Variants in PTPRG observed in about 807,000 individuals in gnomAD.
The protein encoded by PTPRG is receptor-type tyrosine-protein phosphatase gamma.
PTPRG carries 102 observed loss-of-function variants against 165.3 expected under a neutral mutation model. That is an observed-to-expected ratio of 0.62 (90% confidence interval 0.53 to 0.73). The LOEUF is 0.73. Among genes scored for constraint, PTPRG ranks in the 30% least tolerant of loss-of-function variants. The pLI, the probability that PTPRG is intolerant of heterozygous loss-of-function variation, is 0.00. For synonymous variants in PTPRG, 675 were observed against 669.5 expected (o/e 1.01, Z -0.13); for missense variants, 1,866 against 1,861.4 (o/e 1.00, Z -0.05).
At chr3:61,871,158 G>GTTA (rs2037565094) in intron 2 of PTPRG, among the ~76,000 whole-genome samples, 2 of 127,570 alleles carry the variant, frequency 1.6e-5, no homozygotes, top group South Asian at 2.7e-4. Context: ...GTGTTGTGTT[G>GTTA]TGTTGTGTTA....
intron 1 of PTPRG, among the ~76,000 whole-genome samples, chr3:61,701,370 G>C (rs1334288957): frequency 6.6e-6 from 1 of 152,236 alleles, no homozygotes; most frequent in Non-Finnish European, 1.5e-5. Flanking sequence ...GGCTAGTGCT[G>C]TTTAATTTTC....
chr3:61,660,951 C>T lies in PTPRG; in HGVS notation c.86-87927C>T, dbSNP rs939424751. Among the ~76,000 whole-genome samples, 10 of 152,218 alleles carry T rather than the reference C, an allele frequency of 6.6e-5. 1 individual carries two copies. The South Asian group carries it at 1.2e-3, about 19-fold the overall frequency. On this transcript the variant is annotated intron_variant, in intron 1 of 29. Coordinates refer to ENST00000474889, the MANE Select transcript of PTPRG (RefSeq NM_002841.4). ...TGGGAGGCGGAGGTTGCAGTGAGCC[C>T]GGATTGTGCCACTTGCACTCCAGCC... is the stretch of plus-strand genomic sequence containing the variant.
chr3:61,727,355 A>T (rs922003413), intron 1 of PTPRG, among the ~76,000 whole-genome samples: 2 of 151,798 alleles, frequency 1.3e-5, no homozygotes, highest in African/African-American at 2.4e-5. Flanking sequence ...AGGGTTTTGG[A>T]CGGTTGGCCA....
Position 62,240,013 on chromosome 3 carries a change from G to A in PTPRG, c.2376-3794G>A, listed in dbSNP as rs551689545. 6.6e-6 allele frequency among the ~76,000 whole-genome samples: 1 copy of A among 152,226 alleles called. No homozygotes were observed. The highest frequency in any genetic ancestry group is 3.4e-3 in the Middle Eastern group (1 of 294). The stretch of plus-strand genomic sequence containing the variant: ...GACAATAGACTGACCACCTTCATCA[G>A]TCCCTGGCCCAGAGTAGACCCCCCA... On this transcript the variant is annotated intron_variant, in intron 14 of 29. Coordinates refer to ENST00000474889, the MANE Select transcript of PTPRG (RefSeq NM_002841.4). The surrounding 1 kb of genome is among the most constrained non-coding windows in gnomAD (Gnocchi z 5.1).
intron 1 of PTPRG, among the ~76,000 whole-genome samples, chr3:61,585,237 C>T (rs556875582): frequency 1.4e-5 from 2 of 145,854 alleles, no homozygotes; most frequent in South Asian, 2.2e-4. Flanking sequence ...GCCAAGATTG[C>T]GCCACTGCAC....
At chr3:62,113,004 T>C (rs6784506) in intron 5 of PTPRG, among the ~76,000 whole-genome samples, 17,012 of 152,190 alleles carry the variant, frequency 0.11, 999 homozygotes, top group Middle Eastern at 0.13. Flanking sequence ...GAGAATCATA[T>C]GTATCACAAT....
chr3:62,194,466 C>T (rs536369944), intron 9 of PTPRG, among the ~76,000 whole-genome samples: 1 of 152,282 alleles, frequency 6.6e-6, no homozygotes, highest in Non-Finnish European at 1.5e-5. Context: ...GGTGTTCTTC[C>T]TTGCATCATG....
chr3:62,122,529 T>C (rs2106895323), intron 5 of PTPRG, among the ~76,000 whole-genome samples: 1 of 152,334 alleles, frequency 6.6e-6, no homozygotes, highest in Admixed American at 6.5e-5. Context: ...TTAATTGCTG[T>C]GGATATGAAA....
chr3:61,729,509 T>C (rs998163208), intron 1 of PTPRG, among the ~76,000 whole-genome samples: 13 of 152,234 alleles, frequency 8.5e-5, no homozygotes, highest in African/African-American at 3.1e-4. Context: ...CTTGTGACCA[T>C]AGCAATCATT....
chr3:61,578,116 T>A (rs1700206473), intron 1 of PTPRG, among the ~76,000 whole-genome samples: 1 of 152,224 alleles, frequency 6.6e-6, no homozygotes. Flanking sequence ...GTTCCTGGCA[T>A]TGATTTCTCC....
intron 13 of PTPRG, among the ~76,000 whole-genome samples, chr3:62,221,010 C>G (rs1700638787): frequency 6.6e-6 from 1 of 152,190 alleles, no homozygotes; most frequent in South Asian, 2.1e-4. Context: ...AAACAGGCAT[C>G]AATACCCAGC....
At chr3:61,992,797 C>T (rs753899896) in intron 3 of PTPRG, among the ~76,000 whole-genome samples, 21 of 151,986 alleles carry the variant, frequency 1.4e-4, no homozygotes, top group Non-Finnish European at 2.8e-4. Flanking sequence ...GCTGGGATTA[C>T]AGGCGTGAGC....
intron 1 of PTPRG, among the ~76,000 whole-genome samples, chr3:61,705,074 G>T (rs1275707859): frequency 6.6e-6 from 1 of 152,170 alleles, no homozygotes; most frequent in Non-Finnish European, 1.5e-5. Context: ...GAGCTTAGCT[G>T]CCTGGGATAA....
chr3:62,238,017 A>T (rs574567185), intron 14 of PTPRG, among the ~76,000 whole-genome samples: 3 of 152,358 alleles, frequency 2.0e-5, no homozygotes, highest in Non-Finnish European at 4.4e-5. Context: ...AAATGTGCAT[A>T]TATCTAATAT....
intron 1 of PTPRG, among the ~76,000 whole-genome samples, chr3:61,722,570 T>G (rs771826840): frequency 6.6e-6 from 1 of 152,200 alleles, no homozygotes; most frequent in African/African-American, 2.4e-5. Flanking sequence ...TTTGGAACTC[T>G]GTTTATGCAT....
At chr3:62,285,524 T>TGGGG (rs67228745) in intron 28 of PTPRG, among the ~76,000 whole-genome samples, 1 of 39,286 alleles carries the variant, frequency 2.5e-5, no homozygotes, top group African/African-American at 9.0e-5. Context: ...AGGTGGTTGT[T>TGGGG]GGGGGGGGGG....
intron 14 of PTPRG, among the ~76,000 whole-genome samples, chr3:62,243,219 A>G (rs1701205153): frequency 6.6e-6 from 1 of 151,896 alleles, no homozygotes; most frequent in Admixed American, 6.6e-5. Context: ...AAACAAGCAG[A>G]TGACACGTAA....
chr3:61,720,006 C>G (rs2031980988), intron 1 of PTPRG, among the ~76,000 whole-genome samples: 1 of 152,154 alleles, frequency 6.6e-6, no homozygotes, highest in Non-Finnish European at 1.5e-5. Context: ...TATGTCCTCT[C>G]CCTACTTTTT....
intron 2 of PTPRG, among the ~76,000 whole-genome samples, chr3:61,942,113 G>A (rs562786866): frequency 2.7e-5 from 4 of 150,756 alleles, no homozygotes; most frequent in African/African-American, 7.3e-5. Flanking sequence ...AGCGGAGATC[G>A]CGCTACTACA....
Sources: allele counts gnomAD v4.1 joint callset (sites outside exome capture counted in the v4.1 genomes callset), GRCh38; gene constraint gnomAD v4.1.1; non-coding constraint Gnocchi (gnomAD v3.1); transcripts MANE v1.5; gene names NCBI Gene and HGNC (gene_info 2026-07-23, HGNC 2026-07-21).